Variants in ZNF142 observed in about 807,000 individuals in gnomAD.
ZNF142 encodes zinc finger protein 142 (clone pHZ-49).
In ZNF142, 96 loss-of-function variants were observed where a neutral mutation model predicts 132.1. The observed-to-expected ratio is 0.73, with a 90% CI of 0.62 to 0.86. ZNF142 has a LOEUF of 0.86. Among genes scored for constraint, ZNF142 ranks in the 40% least tolerant of loss-of-function variants. ZNF142 has a pLI of 0.00. For synonymous variants in ZNF142, 842 were observed against 890.1 expected, an observed-to-expected ratio of 0.95 and a Z score of 0.96; for missense variants, 2,163 against 2,336.2, an observed-to-expected ratio of 0.93 and a Z score of 1.53.
rs573440921 is a variant in ZNF142 at position 218,651,878 on chromosome 2, C to G, written c.703G>C (p.Gly235Arg). Residue 235 changes from glycine to arginine, a missense_variant, in exon 5 of 11, where the codon GGG becomes CGG. Gly to Arg is a moderately radical substitution (Grantham distance 125). This residue lies in a region of ZNF142 where 63 missense variants were observed against 104.1 expected (regional missense o/e 0.61). Coordinates refer to ENST00000411696, the MANE Select transcript of ZNF142 (RefSeq NM_001379659.1). ...TGCAGCTCCATGCCCTGCTGGCTCC[C>G]GAAAAGCAGGGGGCAGCCCCGGAAA... Reference protein sequence around the residue: ...CSFRGCPLLFGSQQGMELHRQ... With the variant: ...CSFRGCPLLFRSQQGMELHRQ... The G allele has an allele frequency of 7.8e-7, 1 of 1,289,782 alleles. No homozygotes were observed. Among genetic ancestry groups the G allele is most frequent in the East Asian group, 5.5e-5 (1 of 18,030 alleles). 79.9% of individuals were successfully genotyped at this position (1,289,782 alleles called of 1,614,324 possible).
In ZNF142 at chr2:218,643,319, G is replaced by A. The variant is rs1559290954; in HGVS notation, c.3797C>T (p.Pro1266Leu). 1.2e-6 allele frequency: 2 copies of A among 1,614,088 alleles called. No individual in the cohort carries two copies. Among genetic ancestry groups the A allele is most frequent in the South Asian group, 1.1e-5 (1 of 91,092 alleles). The change falls in exon 9 of 11, where the codon CCT becomes CTT. Residue 1266 changes from proline to leucine, a missense_variant. By Grantham distance (98) the Pro-to-Leu change is moderately conservative. Transcript: ENST00000411696. ...CCCATTGCTCAACGGGGACACATCA[G>A]GCTGGGTCTGGGGGGTCCCTCGTTT... is the stretch of plus-strand genomic sequence containing the variant. ...GGKRGTPQTQ[P>L]DVSPLSNGDS... is the part of the protein sequence containing the mutation.
chr2:218,655,919 C>T (rs1039329110), intron 4 of ZNF142, among the ~76,000 whole-genome samples: 3 of 152,202 alleles, frequency 2.0e-5, no homozygotes, highest in Non-Finnish European at 4.4e-5. Flanking sequence ...TACTGCCTAG[C>T]ACACATGAAG....
At position 218,643,579 on chromosome 2, in the gene ZNF142, G is replaced by C; in HGVS notation, c.3537C>G (p.His1179Gln). 5 of 1,586,410 alleles carry C rather than the reference G, an allele frequency of 3.2e-6. No homozygotes were observed. The highest frequency in any genetic ancestry group is 4.3e-6 in the Non-Finnish European group (5 of 1,165,710). ...NSLPTEAPKK[H>Q]CFDPVPPAGN... The stretch of plus-strand genomic sequence containing the variant: ...CTGCAGGAGGGACTGGGTCAAAGCA[G>C]TGCTTCTTAGGGGCCTCTGTGGGCA... Residue 1179 changes from histidine to glutamine, a missense_variant, in exon 9 of 11, where the codon CAC becomes CAG. Around this residue, in one of 7 missense-constraint regions of ZNF142, gnomAD observed 809 missense variants for 801.7 expected, o/e 1.01. Coordinates refer to ENST00000411696, the MANE Select transcript of ZNF142 (RefSeq NM_001379659.1).
At chr2:218,651,552 A>T in intron 5 of ZNF142, 149 bp downstream of exon 5, 1 of 885,158 alleles carries the variant, frequency 1.1e-6, no homozygotes, top group African/African-American at 1.8e-5. Flanking sequence ...ATGCCTTCCC[A>T]TGTCATCCAG....
rs773797705 is a variant in ZNF142, at chr2:218,641,153, G to A, written c.5089-384C>T. On this transcript the variant is annotated intron_variant, in intron 9 of 10. Transcript: ENST00000411696. The stretch of plus-strand genomic sequence containing the variant: ...AGAGTCTCCATATGTTGCCCTGGCT[G>A]GTCTCAAACTCCTGGGATCAAGCAA... 3.9e-5 allele frequency among the ~76,000 whole-genome samples: 6 copies of A among 151,968 alleles called. 1 individual carries two copies. The South Asian group carries it at 1.2e-3, about 31-fold the overall frequency.
chr2:218,640,654 AC>A lies in ZNF142; in HGVS notation c.5194+9del. On this transcript the variant is annotated intron_variant, in intron 10 of 10. Transcript: ENST00000411696. ...AACCCTTCAGGCCTGTCGAAACCAC[AC>A]AGACTCACCTGTATGCTTGGTCATG... is the stretch of plus-strand genomic sequence containing the variant. The A allele has an allele frequency of 6.2e-7, 1 of 1,613,936 alleles. No homozygotes were observed. Among genetic ancestry groups the A allele is most frequent in the South Asian group, 1.1e-5 (1 of 91,050 alleles).
At position 218,643,698 on chromosome 2, in the gene ZNF142, C is replaced by A; in HGVS notation, c.3418G>T (p.Asp1140Tyr). The A allele has an allele frequency of 3.2e-6, 5 of 1,582,838 alleles. No individual in the cohort carries two copies. The highest frequency in any genetic ancestry group is 4.3e-6 in the Non-Finnish European group (5 of 1,167,764). The part of the protein sequence containing the change: ...SQEAELLLPK[D>Y]APLELPREPE... ...TCCCTGGGAAGCTCCAAAGGAGCAT[C>A]TTTTGGAAGCAGTAGCTCTGCTTCT... The change falls in exon 9 of 11, where the codon GAT becomes TAT. Residue 1140 changes from aspartate (D) to tyrosine (Y), a missense_variant. By Grantham distance (160) the Asp-to-Tyr change is radical. Around this residue, in one of 7 missense-constraint regions of ZNF142, gnomAD observed 809 missense variants for 801.7 expected, o/e 1.01. Transcript: ENST00000411696.
Position 218,644,492 on chromosome 2 carries a change from TGG to T in ZNF142, c.2622_2623del (p.His875TrpfsTer3). The T allele has an allele frequency of 6.2e-7, 1 of 1,613,894 alleles. No homozygotes were observed. The highest frequency in any genetic ancestry group is 1.7e-5 in the Admixed American group (1 of 60,018). On this transcript the variant is annotated frameshift_variant, in exon 9 of 11. Transcript: ENST00000411696. LOFTEE classifies it high-confidence loss of function. This position sits in a 1 kb window ranked among gnomAD's most constrained non-coding sequence, Gnocchi z 4.6. ...GGGACTGCCACCCAGGTCACCCCCA[TGG>T]GGAGCCTCACTGCCCTCCTGTCTTC...
At position 218,634,477 on chromosome 2, in the gene ZNF142, TG is replaced by T; in HGVS notation, c.*3861del. ...CCTCAGTGGCCATGAATATGCAGAC[TG>T]CAGGGCTTGAAATGGACATCTGTGA... On this transcript the variant is annotated 3_prime_UTR_variant, in exon 11 of 11. Transcript: ENST00000411696. The surrounding 1 kb of genome is among the most constrained non-coding windows in gnomAD (Gnocchi z 4.0). The T allele has an allele frequency of 6.2e-7, 1 of 1,613,878 alleles. No individual in the cohort carries two copies. Among genetic ancestry groups the T allele is most frequent in the Non-Finnish European group, 8.5e-7 (1 of 1,179,816 alleles).
intron 4 of ZNF142, among the ~76,000 whole-genome samples, chr2:218,654,142 CTA>C (rs936112817): frequency 1.3e-5 from 2 of 152,136 alleles, no homozygotes; most frequent in African/African-American, 4.8e-5. Context: ...TAAAGCACCC[CTA>C]TATATCCTCA....
chr2:218,634,753 CT>C lies in ZNF142; in HGVS notation c.*3585del. On this transcript the variant is annotated 3_prime_UTR_variant, in exon 11 of 11. Coordinates refer to ENST00000411696, the MANE Select transcript of ZNF142 (RefSeq NM_001379659.1). The surrounding 1 kb of genome is among the most constrained non-coding windows in gnomAD (Gnocchi z 4.0). ...GCCTATTAACAGTGTCTAGTTTTAG[CT>C]TTTGGAGCCAGCTGCCTAGCTTCAA... The C allele has an allele frequency of 8.4e-7, 1 of 1,190,052 alleles. No individual in the cohort carries two copies. Among genetic ancestry groups the C allele is most frequent in the East Asian group, 2.4e-5 (1 of 42,362 alleles). The allele number at this position is 1,190,052 out of a possible 1,614,324, so 73.7% of individuals were successfully genotyped here. A position where few individuals can be genotyped will look rare whatever the true frequency, so the allele number is the denominator to read the frequency against.
Position 218,638,715 on chromosome 2 carries a change from C to T in ZNF142, c.5288G>A (p.Arg1763Gln), listed in dbSNP as rs1383766082. Residue 1763 changes from arginine (R) to glutamine (Q), a missense_variant, in exon 11 of 11, where the codon CGG (arginine) becomes CAG (glutamine). This residue lies in a region of ZNF142 where 325 missense variants were observed against 367.8 expected (regional missense o/e 0.88). Coordinates refer to ENST00000411696, the MANE Select transcript of ZNF142 (RefSeq NM_001379659.1). ...VHQETRHREA[R>Q]AFMCEQCGKA... ...GCCACACTGCTCACACATGAAAGCCCGTGCTTCTCGATGCCGGGTCTCCTG... is the reference window on the plus strand; with the variant it reads ...GCCACACTGCTCACACATGAAAGCCTGTGCTTCTCGATGCCGGGTCTCCTG... The T allele has an allele frequency of 1.8e-5, 29 of 1,613,976 alleles. No homozygotes were observed. The highest frequency in any genetic ancestry group is 1.6e-4 in the Middle Eastern group (1 of 6,062).
chr2:218,651,789 G>A lies in ZNF142; in HGVS notation c.792C>T (p.Leu264=). Residue 264 remains leucine (L), a synonymous_variant, in exon 5 of 11, where the codon CTC becomes CTT. Transcript: ENST00000411696. ...HCSFIGSNVK[L]FRQHQRSHGA... ...CATGGCTCCGCTGATGCTGCCGGAA[G>A]AGTTTGACGTTGGAGCCTATGAAGC... is the stretch of plus-strand genomic sequence containing the variant. 1 of 1,289,892 alleles carries A rather than the reference G, an allele frequency of 7.8e-7. No homozygotes were observed. Among genetic ancestry groups the A allele is most frequent in the Non-Finnish European group, 1.0e-6 (1 of 988,894 alleles). 79.9% of individuals were successfully genotyped at this position (1,289,892 alleles called of 1,614,324 possible).
chr2:218,653,096 T>C (rs998165543), intron 4 of ZNF142, among the ~76,000 whole-genome samples: 3 of 152,018 alleles, frequency 2.0e-5, no homozygotes, highest in Admixed American at 2.0e-4. Context: ...CTGGCTAACA[T>C]GGTGAAAACC....
At chr2:218,641,315 C>T (rs1374637117) in intron 9 of ZNF142, among the ~76,000 whole-genome samples, 3 of 145,906 alleles carry the variant, frequency 2.1e-5, no homozygotes, top group Non-Finnish European at 3.0e-5. Flanking sequence ...GGCGCGATCT[C>T]GGCTCACTGC....
At position 218,635,225 on chromosome 2, in the gene ZNF142, C is replaced by A. The variant is rs1410299751; in HGVS notation, c.*3114G>T. Among the ~76,000 whole-genome samples, 2 of 151,988 alleles carry A rather than the reference C, an allele frequency of 1.3e-5. No individual in the cohort carries two copies. The highest frequency in any genetic ancestry group is 2.9e-5 in the Non-Finnish European group (2 of 67,974). On this transcript the variant is annotated 3_prime_UTR_variant, in exon 11 of 11. Coordinates refer to ENST00000411696, the MANE Select transcript of ZNF142 (RefSeq NM_001379659.1). ...GGAGGTTGCAGTGAGCTATGACTGC[C>A]CCACTGCATTCCAGCTTGGTCAAGA...
intron 7 of ZNF142, among the ~76,000 whole-genome samples, chr2:218,647,313 C>T (rs1392879973): frequency 2.0e-5 from 3 of 150,290 alleles, no homozygotes; most frequent in Non-Finnish European, 3.0e-5. Context: ...GTCCCAGCTA[C>T]TCGGGAGGCT....
Position 218,640,645 on chromosome 2 carries a change from C to A in ZNF142, c.5194+19G>T. ...GAACAAAGGAACCCTTCAGGCCTGT[C>A]GAAACCACACAGACTCACCTGTATG... On this transcript the variant is annotated intron_variant, in intron 10 of 10. Transcript: ENST00000411696. The A allele has an allele frequency of 6.2e-7, 1 of 1,612,412 alleles. No individual in the cohort carries two copies. The highest frequency in any genetic ancestry group is 1.1e-5 in the South Asian group (1 of 90,938).
chr2:218,655,084 G>T (rs1205840686), intron 4 of ZNF142, among the ~76,000 whole-genome samples: 1 of 152,144 alleles, frequency 6.6e-6, no homozygotes, highest in Non-Finnish European at 1.5e-5. Flanking sequence ...GCAAGACCCT[G>T]TCTCAACAAA....
Sources: gnomAD v4.1 joint callset for allele counts (sites outside exome capture counted in the v4.1 genomes callset) on GRCh38, gnomAD v4.1.1 for gene constraint, gnomAD v4.1.1 regional missense constraint, Gnocchi (gnomAD v3.1) non-coding constraint, MANE v1.5 for transcripts, NCBI Gene and HGNC (gene_info 2026-07-23, HGNC 2026-07-21) for gene names.